Variants in SH3TC1 observed in about 807,000 individuals in gnomAD.
SH3TC1 encodes the protein SH3 domain and tetratricopeptide repeat-containing protein 1.
A neutral mutation model predicts 117.3 loss-of-function variants in SH3TC1; 135 were observed. That is an observed-to-expected ratio of 1.15 (90% CI 1.00 to 1.33). The LOEUF is 1.33. Among genes scored for constraint, SH3TC1 ranks in the 40% most tolerant of loss-of-function variants. The pLI is 0.00. For missense variants in SH3TC1, 2,092 were observed against 1,794.3 expected (o/e 1.17, Z -3.00); for synonymous variants, 898 against 816.9 (o/e 1.10, Z -1.69).
chr4:8,226,322 G>A (rs959961459), intron 11 of SH3TC1, among the ~76,000 whole-genome samples: 4 of 152,160 alleles, frequency 2.6e-5, no homozygotes, highest in Admixed American at 1.3e-4. Context: ...TAGGAACTGC[G>A]GGCTTCAGGT....
chr4:8,206,471 G>A lies in SH3TC1; in HGVS notation c.172+1105G>A, dbSNP rs181530736. ...GCCCTGGCCAGCCTCCCACAGAGCC[G>A]CGGGGCCCAGGGAGGAGCTGGGAGC... On this transcript the variant is annotated intron_variant, in intron 2 of 17. Transcript: ENST00000245105. The surrounding 1 kb of genome is among the most constrained non-coding windows in gnomAD (Gnocchi z 5.5). 1.3e-4 allele frequency among the ~76,000 whole-genome samples: 20 copies of A among 152,290 alleles called. No individual in the cohort carries two copies. Among genetic ancestry groups the A allele is most frequent in the Non-Finnish European group, 2.2e-4 (15 of 68,016 alleles).
At position 8,227,466 on chromosome 4, in the gene SH3TC1, A is replaced by G. The variant is rs142852456; in HGVS notation, c.1772A>G (p.Glu591Gly). Residue 591 changes from glutamate (E) to glycine (G), a missense_variant, in exon 12 of 18, where the codon GAG (glutamate) becomes GGG (glycine). By Grantham distance (98) the Glu-to-Gly change is moderately conservative. Transcript: ENST00000245105. The stretch of plus-strand genomic sequence containing the variant: ...TTTGAGGAAGCGCTGGGGGCCCTGG[A>G]GGGCAGCTTCGGGGACCTGTTCCTA... Reference protein sequence around the residue: ...VYFEEALGALEGSFGDLFLVV... With the variant: ...VYFEEALGALGGSFGDLFLVV... 10 of 1,565,210 alleles carry G rather than the reference A, an allele frequency of 6.4e-6. No individual in the cohort carries two copies. The African/African-American group carries it at 1.2e-4, about 19-fold the overall frequency.
Position 8,227,508 on chromosome 4 carries a change from C to A in SH3TC1, c.1814C>A (p.Ala605Asp). ...CTGTTCCTAGTGGTGGCTGTGTACG[C>A]CAACCTGGCCAGCATTTACCGGAAG... ...GDLFLVVAVY[A>D]NLASIYRKQK... Residue 605 changes from alanine to aspartate, a missense_variant, in exon 12 of 18, where the codon GCC becomes GAC. Transcript: ENST00000245105. The A allele has an allele frequency of 6.4e-7, 1 of 1,551,114 alleles. No individual in the cohort carries two copies. Among genetic ancestry groups the A allele is most frequent in the Non-Finnish European group, 8.7e-7 (1 of 1,154,632 alleles).
chr4:8,229,894 A>G (rs899650938), intron 12 of SH3TC1, among the ~76,000 whole-genome samples: 8 of 141,140 alleles, frequency 5.7e-5, no homozygotes, highest in African/African-American at 7.5e-5. Flanking sequence ...CAGGCCAGGG[A>G]ACGAGGATCA....
intron 5 of SH3TC1, among the ~76,000 whole-genome samples, chr4:8,214,830 C>T (rs922454716): frequency 2.0e-5 from 3 of 152,166 alleles, no homozygotes; most frequent in Admixed American, 1.3e-4. Context: ...ATTATAAGTA[C>T]GAGCTACCAT....
intron 5 of SH3TC1, among the ~76,000 whole-genome samples, chr4:8,215,564 T>G (rs1175373009): frequency 6.6e-6 from 1 of 152,054 alleles, no homozygotes; most frequent in Admixed American, 6.5e-5. Flanking sequence ...CTACGCTGAG[T>G]GTGGAGGCAG....
At chr4:8,215,389 C>T (rs1244121378) in intron 5 of SH3TC1, 16 of 394,876 alleles carry the variant, frequency 4.1e-5, no homozygotes, top group Admixed American at 7.8e-5. Context: ...CCCCAAGCAC[C>T]GGTGAGCAGG....
chr4:8,185,968 G>A (rs987011815), intron 1 of SH3TC1, among the ~76,000 whole-genome samples: 2 of 152,356 alleles, frequency 1.3e-5, no homozygotes, highest in Admixed American at 6.5e-5. Flanking sequence ...ACTCCAGGAG[G>A]TGCCACAGGG....
rs1718163100 is a variant in SH3TC1, at chr4:8,205,875, C to CT, written c.172+511dup. On this transcript the variant is annotated intron_variant, in intron 2 of 17. Coordinates refer to ENST00000245105, the MANE Select transcript of SH3TC1 (RefSeq NM_018986.5). This position sits in a 1 kb window ranked among gnomAD's most constrained non-coding sequence, Gnocchi z 5.4. ...ACCTAGGTGATCTCCAGGATCCCCTCTTACCCCCATCCTGAGACCCTGAAG... is the reference window on the plus strand; with the variant it reads ...ACCTAGGTGATCTCCAGGATCCCCTCTTTACCCCCATCCTGAGACCCTGAAG... 1.7e-6 allele frequency: 1 copy of CT among 573,446 alleles called. No homozygotes were observed. 35.5% of individuals were successfully genotyped at this position (573,446 alleles called of 1,614,324 possible).
chr4:8,203,274 G>A (rs1279683001), intron 1 of SH3TC1, among the ~76,000 whole-genome samples: 1 of 114,712 alleles, frequency 8.7e-6, no homozygotes, highest in South Asian at 3.1e-4. Flanking sequence ...AGGTGTGCGG[G>A]TGCGTGTGTG....
Position 8,241,021 on chromosome 4 carries a change from C to A in SH3TC1, c.*66C>A, listed in dbSNP as rs140103343. 1.1e-3 allele frequency: 1,729 copies of A among 1,567,832 alleles called. 15 individuals carry two copies. In the African/African-American group the frequency reaches 0.021, roughly 19 times the overall value. On this transcript the variant is annotated 3_prime_UTR_variant, in exon 18 of 18. Coordinates refer to ENST00000245105, the MANE Select transcript of SH3TC1 (RefSeq NM_018986.5). The stretch of plus-strand genomic sequence containing the variant: ...GGTCTCCTGCCTCTCCTGGTGTCGC[C>A]GGTGGCTCATTTTCTGGCAAATGGA...
At position 8,228,638 on chromosome 4, in the gene SH3TC1, G is replaced by C. The variant is rs1264252927; in HGVS notation, c.2944G>C (p.Val982Leu). ...TCTGGTCGCCGTGGAGATGGGCCAC[G>C]TGGAGAGTGAGTGCCCCAGTTCCTT... ...ALLVAVEMGH[V>L]ESQLRAVQRL... Residue 982 changes from valine to leucine, a missense_variant, in exon 12 of 18, where the codon GTG (valine) becomes CTG (leucine). Transcript: ENST00000245105. 1 of 1,498,290 alleles carries C rather than the reference G, an allele frequency of 6.7e-7. No homozygotes were observed. Among genetic ancestry groups the C allele is most frequent in the South Asian group, 1.4e-5 (1 of 74,072 alleles). The allele number at this position is 1,498,290 out of a possible 1,614,324, so 92.8% of individuals were successfully genotyped here.
At chr4:8,188,572 TTTCCCGGTCC>T (rs1717301251) in intron 1 of SH3TC1, among the ~76,000 whole-genome samples, 1 of 152,150 alleles carries the variant, frequency 6.6e-6, no homozygotes, top group Middle Eastern at 3.4e-3. Context: ...AGTGGGGGAG[TTTCCCGGTCC>T]CCCCTCTGTG....
At position 8,205,855 on chromosome 4, in the gene SH3TC1, G is replaced by C. The variant is rs1485176154; in HGVS notation, c.172+489G>C. ...CCCGGGAGACCTGAAGAGTGACCTAGGTGATCTCCAGGATCCCCTCTTACC... is the reference window on the plus strand; with the variant it reads ...CCCGGGAGACCTGAAGAGTGACCTACGTGATCTCCAGGATCCCCTCTTACC... On this transcript the variant is annotated intron_variant, in intron 2 of 17. Transcript: ENST00000245105. The surrounding 1 kb of genome is among the most constrained non-coding windows in gnomAD (Gnocchi z 5.4). 5.1e-6 allele frequency: 3 copies of C among 584,722 alleles called. No homozygotes were observed. The highest frequency in any genetic ancestry group is 9.1e-6 in the Non-Finnish European group (3 of 327,972). The allele number at this position is 584,722 out of a possible 1,614,324, so 36.2% of individuals were successfully genotyped here.
chr4:8,212,043 G>A (rs3756196), intron 3 of SH3TC1, among the ~76,000 whole-genome samples: 1 of 151,928 alleles, frequency 6.6e-6, no homozygotes, highest in Non-Finnish European at 1.5e-5. Flanking sequence ...GGAGTGGGGT[G>A]GGGGGTGGAG....
rs940552824 is a variant in SH3TC1, at chr4:8,205,044, G to C, written c.-28-123G>C. On this transcript the variant is annotated intron_variant, in intron 1 of 17. Coordinates refer to ENST00000245105, the MANE Select transcript of SH3TC1 (RefSeq NM_018986.5). This position sits in a 1 kb window ranked among gnomAD's most constrained non-coding sequence, Gnocchi z 5.4. ...GCACGGTGCGGTGAGGGGCTCGCTG[G>C]ATCTGAAAGGTGCAGGCGCTCAGCA... The C allele has an allele frequency of 2.8e-6, 2 of 722,608 alleles. No individual in the cohort carries two copies. Among genetic ancestry groups the C allele is most frequent in the African/African-American group, 3.6e-5 (2 of 55,430 alleles). The allele number at this position is 722,608 out of a possible 1,614,324, so 44.8% of individuals were successfully genotyped here. A position where few individuals can be genotyped will look rare whatever the true frequency, so the allele number is the denominator to read the frequency against.
At position 8,183,437 on chromosome 4, in the gene SH3TC1, G is replaced by A. The variant is rs533566593; in HGVS notation, c.-57+1227G>A. On this transcript the variant is annotated intron_variant, in intron 1 of 16. Coordinates refer to the SH3TC1 transcript ENST00000508641. The surrounding 1 kb of genome is among the most constrained non-coding windows in gnomAD (Gnocchi z 5.4). ...CACTCCCTGTACAGTAGAGGGAGGC[G>A]TGGCCCAGGGAGGCTCCCGGGCTGG... Among the ~76,000 whole-genome samples, 9 of 152,274 alleles carry A rather than the reference G, an allele frequency of 5.9e-5. No homozygotes were observed. The South Asian group carries it at 6.2e-4, about 11-fold the overall frequency.
chr4:8,184,687 A>G (rs984925100), intron 1 of SH3TC1, among the ~76,000 whole-genome samples: 4 of 152,176 alleles, frequency 2.6e-5, no homozygotes, highest in Non-Finnish European at 5.9e-5. Flanking sequence ...CTGGAAAGCA[A>G]CTTTATCAGC....
At chr4:8,222,116 C>T (rs1327925993) in intron 9 of SH3TC1, among the ~76,000 whole-genome samples, 4 of 152,048 alleles carry the variant, frequency 2.6e-5, no homozygotes, top group Admixed American at 2.6e-4. Context: ...ATGTTGGGCA[C>T]TCTGGGGAGC....
Sources: gnomAD v4.1 joint callset for allele counts (sites outside exome capture counted in the v4.1 genomes callset) on GRCh38, gnomAD v4.1.1 for gene constraint, Gnocchi (gnomAD v3.1) non-coding constraint, MANE v1.5 for transcripts, NCBI Gene and HGNC (gene_info 2026-07-23, HGNC 2026-07-21) for gene names.